CERS6: variants seen among roughly 807,000 people sequenced by gnomAD.
CERS6 encodes ceramide synthase 6, also known as LAG1 homolog, ceramide synthase 6.
A neutral mutation model predicts 56.8 loss-of-function variants in CERS6; 26 were observed. That is an observed-to-expected ratio of 0.46 (90% CI 0.34 to 0.63). CERS6 has a LOEUF of 0.63. CERS6 is among the 30% of genes least tolerant of loss of function. CERS6 has a pLI of 0.01. For missense variants in CERS6, 415 were observed against 467.5 expected, an observed-to-expected ratio of 0.89 and a Z score of 1.04; for synonymous variants, 164 against 173.3, an observed-to-expected ratio of 0.95 and a Z score of 0.42.
chr2:168,586,914 TA>T, intron 3 of CERS6, among the ~76,000 whole-genome samples: 1 of 152,332 alleles, frequency 6.6e-6, no homozygotes, highest in East Asian at 1.9e-4. Flanking sequence ...CTCACGCTGG[TA>T]ATTCCAACAC....
chr2:168,557,020 A>AAAAAAAAAAAAAAAAAAAAAAAAAAT (rs1558996759), intron 2 of CERS6, among the ~76,000 whole-genome samples: 1 of 137,912 alleles, frequency 7.3e-6, no homozygotes, highest in South Asian at 2.3e-4. Context: ...AAAAAAAAAA[A>AAAAAAAAAAAAAAAAAAAAAAAAAAT]AGGCATGTTG....
chr2:168,755,032 A>G (rs1399610043), intron 8 of CERS6, among the ~76,000 whole-genome samples: 2 of 152,172 alleles, frequency 1.3e-5, no homozygotes, highest in African/African-American at 4.8e-5. Flanking sequence ...AGCCTCCCAA[A>G]GCTCTGGGAT....
intron 1 of CERS6, among the ~76,000 whole-genome samples, chr2:168,510,605 G>A (rs996058986): frequency 2.0e-5 from 3 of 152,172 alleles, no homozygotes; most frequent in African/African-American, 7.2e-5. Context: ...GTTAAGTGAA[G>A]TGTGACTGTG....
chr2:168,727,930 C>T (rs1683397632), intron 8 of CERS6, among the ~76,000 whole-genome samples: 1 of 152,152 alleles, frequency 6.6e-6, no homozygotes, highest in Non-Finnish European at 1.5e-5. Context: ...TGTTTAATAC[C>T]TTCACAGGAT....
chr2:168,608,624 G>A (rs1057283784), intron 3 of CERS6, among the ~76,000 whole-genome samples: 1 of 152,112 alleles, frequency 6.6e-6, no homozygotes, highest in Non-Finnish European at 1.5e-5. Context: ...TTATTTCCCT[G>A]TTGAATAATG....
chr2:168,742,083 A>G (rs977905645), intron 8 of CERS6, among the ~76,000 whole-genome samples: 1 of 152,234 alleles, frequency 6.6e-6, no homozygotes, highest in African/African-American at 2.4e-5. Context: ...ATAAAAATAC[A>G]TTGTGTTAAC....
intron 4 of CERS6, among the ~76,000 whole-genome samples, chr2:168,678,188 C>T (rs922708173): frequency 4.5e-4 from 69 of 152,192 alleles, no homozygotes; most frequent in African/African-American, 1.5e-3. Flanking sequence ...GTGACAAAGG[C>T]AAACGTCTTA....
chr2:168,469,751 A>G (rs1693943688), intron 1 of CERS6, among the ~76,000 whole-genome samples: 1 of 152,204 alleles, frequency 6.6e-6, no homozygotes, highest in South Asian at 2.1e-4. Context: ...CCTCCCTACC[A>G]GGGTACACTG....
At chr2:168,664,893 T>C (rs780472696) in intron 4 of CERS6, among the ~76,000 whole-genome samples, 1 of 152,172 alleles carries the variant, frequency 6.6e-6, no homozygotes, top group Non-Finnish European at 1.5e-5. Flanking sequence ...ACCCAGCTCC[T>C]ATTTAAGATG....
chr2:168,728,552 A>G (rs968476381), intron 8 of CERS6, among the ~76,000 whole-genome samples: 27 of 151,558 alleles, frequency 1.8e-4, no homozygotes, highest in African/African-American at 6.5e-4. Flanking sequence ...ACGCCCAGCT[A>G]ATTTTTGTAT....
At chr2:168,588,468 T>C (rs924771408) in intron 3 of CERS6, among the ~76,000 whole-genome samples, 12 of 152,178 alleles carry the variant, frequency 7.9e-5, no homozygotes, top group Non-Finnish European at 1.3e-4. Context: ...TTTCTATGAA[T>C]TTAATGACCG....
At chr2:168,609,794 C>T (rs1012352145) in intron 3 of CERS6, among the ~76,000 whole-genome samples, 2 of 152,076 alleles carry the variant, frequency 1.3e-5, no homozygotes, top group Non-Finnish European at 2.9e-5. Context: ...TTGCCGCTTA[C>T]CCAGAGAAGG....
intron 3 of CERS6, among the ~76,000 whole-genome samples, chr2:168,607,417 C>G (rs1204515593): frequency 6.6e-6 from 1 of 152,102 alleles, no homozygotes; most frequent in African/African-American, 2.4e-5. Context: ...GAGTCTTGCT[C>G]TGTTGCCAGG....
chr2:168,738,407 C>T (rs1275238093), intron 8 of CERS6, among the ~76,000 whole-genome samples: 1 of 152,176 alleles, frequency 6.6e-6, no homozygotes, highest in African/African-American at 2.4e-5. Flanking sequence ...AAAATAGTCA[C>T]TTTATGTTTC....
At chr2:168,549,437 C>G (rs1307999707) in intron 2 of CERS6, among the ~76,000 whole-genome samples, 1 of 152,074 alleles carries the variant, frequency 6.6e-6, no homozygotes, top group Non-Finnish European at 1.5e-5. Context: ...GAGATCGAGA[C>G]CACCTTGGCC....
intron 3 of CERS6, among the ~76,000 whole-genome samples, chr2:168,583,902 T>C (rs1683479534): frequency 6.6e-6 from 1 of 152,218 alleles, no homozygotes; most frequent in South Asian, 2.1e-4. Context: ...CCTTTTGCCA[T>C]CATGACCTGG....
chr2:168,710,994 A>G (rs945128778), intron 6 of CERS6, among the ~76,000 whole-genome samples: 1 of 152,250 alleles, frequency 6.6e-6, no homozygotes, highest in Non-Finnish European at 1.5e-5. Context: ...GGAATCTACC[A>G]TCAATGTGTC....
At chr2:168,604,266 C>G (rs1360658657) in intron 3 of CERS6, among the ~76,000 whole-genome samples, 1 of 152,108 alleles carries the variant, frequency 6.6e-6, no homozygotes, top group Admixed American at 6.5e-5. Flanking sequence ...AAAGGTTATG[C>G]TTTTCAAAAA....
At position 168,770,761 on chromosome 2, in the gene CERS6, A is replaced by G. The variant is rs16855819; in HGVS notation, c.*1099A>G. ...GAGCAAAATAAAGCCAATGGGAGAA[A>G]GACTATTTTACCCTTTGCTTTTCTC... On this transcript the variant is annotated 3_prime_UTR_variant, in exon 10 of 10. Coordinates refer to ENST00000305747, the MANE Select transcript of CERS6 (RefSeq NM_203463.3). 0.078 allele frequency: 11,839 copies of G among 152,632 alleles called. 573 individuals are homozygous for G. The highest frequency in any genetic ancestry group is 0.1 in the Non-Finnish European group (7,064 of 67,996). The allele number at this position is 152,632 out of a possible 1,614,324, so 9.5% of individuals were successfully genotyped here. A position where few individuals can be genotyped will look rare whatever the true frequency, so the allele number is the denominator to read the frequency against.
Sources: gnomAD v4.1 joint callset for allele counts (sites outside exome capture counted in the v4.1 genomes callset) on GRCh38, gnomAD v4.1.1 for gene constraint, MANE v1.5 for transcripts, NCBI Gene and HGNC (gene_info 2026-07-23, HGNC 2026-07-21) for gene names.